Variants in SV2C observed in about 807,000 individuals in gnomAD.
SV2C encodes synaptic vesicle glycoprotein 2C.
In SV2C, 49 loss-of-function variants were observed where a neutral mutation model predicts 79.7. The ratio of observed to expected loss-of-function variants is 0.61; its 90% confidence interval spans 0.49 to 0.78. The LOEUF is 0.78. SV2C is among the 30% of genes least tolerant of loss of function. The pLI is 0.00. For synonymous variants in SV2C, 334 were observed against 333.2 expected (o/e 1.00, Z -0.03); for missense variants, 833 against 912.9 (o/e 0.91, Z 1.13).
chr5:76,018,237 C>A, the SV2C span, among the ~76,000 whole-genome samples: 3 of 152,298 alleles, frequency 2.0e-5, no homozygotes, highest in East Asian at 5.8e-4. Flanking sequence ...TTCCCTGCAA[C>A]TTAACCCTCA....
At chr5:76,343,695 A>T (rs2112586900) in intron 12 of SV2C, among the ~76,000 whole-genome samples, 1 of 152,328 alleles carries the variant, frequency 6.6e-6, no homozygotes, top group African/African-American at 2.4e-5. Context: ...TATACACTCA[A>T]TAGAAAGGTT....
intron 2 of SV2C, among the ~76,000 whole-genome samples, chr5:76,147,276 G>A (rs1749466495): frequency 6.6e-6 from 1 of 151,626 alleles, no homozygotes; most frequent in African/African-American, 2.4e-5. Flanking sequence ...TTGGAGGTGA[G>A]TGGGTGCTCC....
At chr5:75,884,543 T>C in the SV2C span, among the ~76,000 whole-genome samples, 1 of 152,148 alleles carries the variant, frequency 6.6e-6, no homozygotes, top group African/African-American at 2.4e-5. Flanking sequence ...GACTTGGTCA[T>C]TTTTATTTTA....
the SV2C span, among the ~76,000 whole-genome samples, chr5:75,881,911 T>G: frequency 2.7e-5 from 4 of 147,308 alleles, no homozygotes; most frequent in East Asian, 5.9e-4. Context: ...TTTTGCCCAT[T>G]CAGTATGATA....
chr5:76,064,098 C>T, the SV2C span, among the ~76,000 whole-genome samples: 81 of 152,262 alleles, frequency 5.3e-4, no homozygotes, highest in Admixed American at 1.8e-3. Context: ...TAAGACTATC[C>T]TCTTACTCCA....
At chr5:76,123,112 A>G (rs1392921255) in intron 1 of SV2C, among the ~76,000 whole-genome samples, 2 of 152,230 alleles carry the variant, frequency 1.3e-5, no homozygotes, top group African/African-American at 2.4e-5. Context: ...TACGCAAATA[A>G]TCTAGAAAAT....
the SV2C span, among the ~76,000 whole-genome samples, chr5:75,945,096 T>A: frequency 3.9e-5 from 6 of 152,178 alleles, no homozygotes; most frequent in South Asian, 1.2e-3. Flanking sequence ...TTAAAGCAGC[T>A]AAAATAACCA....
chr5:76,172,440 G>A (rs1189256968), intron 2 of SV2C, among the ~76,000 whole-genome samples: 12 of 78,866 alleles, frequency 1.5e-4, no homozygotes, highest in South Asian at 5.0e-4. Context: ...CAGCCCCCCC[G>A]CCCAGCCAGC....
intron 4 of SV2C, among the ~76,000 whole-genome samples, chr5:76,220,717 A>T (rs1745042708): frequency 6.6e-6 from 1 of 152,136 alleles, no homozygotes; most frequent in Non-Finnish European, 1.5e-5. Context: ...ACATGAAAGC[A>T]GTCTGGATAG....
chr5:75,980,317 C>A, the SV2C span, among the ~76,000 whole-genome samples: 1 of 152,102 alleles, frequency 6.6e-6, no homozygotes, highest in Non-Finnish European at 1.5e-5. Context: ...CTTATTGCAA[C>A]TATTCCAAAA....
At chr5:76,223,426 T>G (rs1745129982) in intron 4 of SV2C, among the ~76,000 whole-genome samples, 1 of 124,908 alleles carries the variant, frequency 8.0e-6, no homozygotes, top group Admixed American at 8.7e-5. Context: ...AGACCCTGTC[T>G]CTTTATATAC....
chr5:76,272,889 T>C (rs1746914115), intron 4 of SV2C, among the ~76,000 whole-genome samples: 1 of 152,078 alleles, frequency 6.6e-6, no homozygotes, highest in South Asian at 2.1e-4. Flanking sequence ...TCAGCTAATA[T>C]AATAGTTTAT....
intron 2 of SV2C, among the ~76,000 whole-genome samples, chr5:76,151,553 G>A (rs1749606543): frequency 2.0e-5 from 3 of 152,152 alleles, no homozygotes; most frequent in Admixed American, 6.5e-5. Flanking sequence ...GAGTGATGGA[G>A]GGGAGAAGGT....
the SV2C span, among the ~76,000 whole-genome samples, chr5:75,890,124 G>T: frequency 6.6e-6 from 1 of 152,004 alleles, no homozygotes; most frequent in African/African-American, 2.4e-5. Flanking sequence ...TATATTTAAA[G>T]GTAGCCACAT....
intron 5 of SV2C, chr5:76,285,506 T>A: frequency 1.5e-6 from 1 of 686,524 alleles, no homozygotes; most frequent in Non-Finnish European, 2.4e-6. Flanking sequence ...TGTTTCTCCT[T>A]AAACAAATAA....
intron 1 of SV2C, among the ~76,000 whole-genome samples, chr5:76,131,177 T>C (rs1319500613): frequency 6.6e-6 from 1 of 152,180 alleles, no homozygotes; most frequent in Non-Finnish European, 1.5e-5. Context: ...AGCAATTGTA[T>C]ATGGGGCTGC....
chr5:76,128,839 T>C (rs1693283309), intron 1 of SV2C, among the ~76,000 whole-genome samples: 1 of 152,232 alleles, frequency 6.6e-6, no homozygotes, highest in Admixed American at 6.5e-5. Flanking sequence ...TATAAACAGC[T>C]GCTTGCGGAC....
the SV2C span, among the ~76,000 whole-genome samples, chr5:75,864,880 C>G: frequency 6.6e-6 from 1 of 152,130 alleles, no homozygotes; most frequent in African/African-American, 2.4e-5. Flanking sequence ...GGAAAGCTAC[C>G]AGCTTTGAGT....
chr5:76,242,415 C>G (rs1020616417), intron 4 of SV2C: 3 of 660,028 alleles, frequency 4.5e-6, no homozygotes, highest in African/African-American at 3.6e-5. Flanking sequence ...GTCTCAATCT[C>G]TTGACCTCAT....
Sources: allele counts gnomAD v4.1 joint callset (sites outside exome capture counted in the v4.1 genomes callset), GRCh38; gene constraint gnomAD v4.1.1; transcripts MANE v1.5; gene names NCBI Gene and HGNC (gene_info 2026-07-23, HGNC 2026-07-21).